RMDN2: variants seen among roughly 807,000 people sequenced by gnomAD.
RMDN2 encodes regulator of microtubule dynamics 2, also known as regulator of microtubule dynamics protein 2.
Under a neutral mutation model 52.8 loss-of-function variants are expected in RMDN2, and 61 were observed. That is an observed-to-expected ratio of 1.16 (90% CI 0.94 to 1.43). The LOEUF is 1.43. Ranked by LOEUF, RMDN2 falls within the 40% of genes most tolerant of loss-of-function variation. The probability of loss-of-function intolerance (pLI) is 0.00; values close to 1 mark genes in which losing one functional copy is unlikely to be tolerated. For missense variants in RMDN2, 592 were observed against 475.3 expected, an observed-to-expected ratio of 1.25 and a Z score of -2.28; for synonymous variants, 180 against 153.1, an observed-to-expected ratio of 1.18 and a Z score of -1.30.
At chr2:37,925,131 G>A (rs1163327243), upstream of RMDN2, among the ~76,000 whole-genome samples, 5 of 152,182 alleles carry the variant, frequency 3.3e-5, no homozygotes, top group African/African-American at 7.2e-5. Context: ...CGAGACACAC[G>A]GTCCGGCGCG....
intron 10 of RMDN2, among the ~76,000 whole-genome samples, chr2:38,054,208 T>G (rs1420275491): frequency 1.3e-5 from 2 of 152,220 alleles, no homozygotes; most frequent in African/African-American, 4.8e-5. Context: ...ATTCCCAAAA[T>G]TACATAATTT....
intron 10 of RMDN2, among the ~76,000 whole-genome samples, chr2:38,051,620 T>C (rs186095200): frequency 6.6e-6 from 1 of 152,220 alleles, no homozygotes; most frequent in Admixed American, 6.5e-5. Context: ...ATACTAGAAC[T>C]TATTTCTTCT....
intron 2 of RMDN2, among the ~76,000 whole-genome samples, chr2:37,939,217 C>T (rs1667573177): frequency 6.6e-6 from 1 of 152,158 alleles, no homozygotes; most frequent in Non-Finnish European, 1.5e-5. Context: ...GAGTGAGTTT[C>T]TTAATCCTGA....
intron 10 of RMDN2, among the ~76,000 whole-genome samples, chr2:38,044,646 G>A (rs185480641): frequency 6.6e-6 from 1 of 151,706 alleles, no homozygotes; most frequent in Non-Finnish European, 1.5e-5. Context: ...TTCAAGGTCA[G>A]TGATTCTTTA....
At chr2:37,989,469 T>C in intron 5 of RMDN2, 72 bp from the exon 6 acceptor site, 2 of 911,258 alleles carry the variant, frequency 2.2e-6, no homozygotes, top group Non-Finnish European at 3.6e-6. Context: ...TCTTTTAATG[T>C]TATGTTTTGG....
At chr2:38,066,937 C>T (rs1682308603) in intron 10 of RMDN2, 3 of 1,609,418 alleles carry the variant, frequency 1.9e-6, no homozygotes, top group Non-Finnish European at 2.6e-6. Context: ...GTTTCAATGC[C>T]ATTTTGTGCA....
chr2:38,018,015 A>G (rs575700353), downstream of RMDN2, among the ~76,000 whole-genome samples: 8 of 152,276 alleles, frequency 5.3e-5, no homozygotes, highest in South Asian at 1.2e-3. Flanking sequence ...TCACGAGATA[A>G]TGTCATCAGT....
At chr2:38,016,038 T>G (rs75796578) in intron 10 of RMDN2, among the ~76,000 whole-genome samples, 21,291 of 152,198 alleles carry the variant, frequency 0.14, 1,705 homozygotes, top group Non-Finnish European at 0.18. Context: ...GCTTGAAACA[T>G]AATGAAAACC....
At chr2:37,920,945 C>A (rs1030932204), upstream of RMDN2, among the ~76,000 whole-genome samples, 12 of 152,324 alleles carry the variant, frequency 7.9e-5, no homozygotes, top group African/African-American at 2.9e-4. Context: ...CGGAAAACCA[C>A]TGAGCAAGGT....
upstream of RMDN2, among the ~76,000 whole-genome samples, chr2:37,924,792 G>T (rs1025632505): frequency 1.3e-5 from 2 of 152,208 alleles, no homozygotes; most frequent in East Asian, 1.9e-4. Flanking sequence ...TCGGAATGGC[G>T]GGGAGAAGGA....
chr2:38,037,537 G>C (rs1297849895), intron 10 of RMDN2, among the ~76,000 whole-genome samples: 2 of 152,236 alleles, frequency 1.3e-5, no homozygotes, highest in African/African-American at 2.4e-5. Flanking sequence ...TCCCAGGAGA[G>C]AGAAACTGTC....
chr2:38,016,573 A>G (rs17412126), intron 10 of RMDN2, among the ~76,000 whole-genome samples: 4,779 of 152,310 alleles, frequency 0.031, 107 homozygotes, highest in Middle Eastern at 0.065. Flanking sequence ...CACCTTAGTC[A>G]TAATGAGACA....
Position 38,050,813 on chromosome 2 carries a change from C to T in RMDN2, c.1714-16169C>T, listed in dbSNP as rs564277564. Among the ~76,000 whole-genome samples the T allele has an allele frequency of 3.3e-5, 5 of 152,298 alleles. No individual in the cohort carries two copies. In the Middle Eastern group the frequency reaches 0.01, roughly 311 times the overall value. On this transcript the variant is annotated intron_variant, in intron 10 of 10. Coordinates refer to the RMDN2 transcript ENST00000234195. The stretch of plus-strand genomic sequence containing the variant: ...TCGCTCTGTCGCACAGGCTGGAGTG[C>T]GGTGGCACGATCTCAGCTCACTGCA...
chr2:37,943,541 A>G (rs1298963885), intron 2 of RMDN2, among the ~76,000 whole-genome samples: 1 of 152,252 alleles, frequency 6.6e-6, no homozygotes, highest in Non-Finnish European at 1.5e-5. Context: ...ATGAGATAAT[A>G]AAGTTGCTTT....
At chr2:37,938,055 A>G (rs886656253) in intron 2 of RMDN2, among the ~76,000 whole-genome samples, 1 of 152,112 alleles carries the variant, frequency 6.6e-6, no homozygotes, top group Non-Finnish European at 1.5e-5. Context: ...TTATTTTCAG[A>G]TATGTTCCAT....
chr2:37,929,345 T>C lies in RMDN2; in HGVS notation c.68T>C (p.Leu23Pro). Residue 23 changes from leucine (L) to proline (P), a missense_variant, in exon 2 of 11, where the codon CTG (leucine) becomes CCG (proline). By Grantham distance (98) the Leu-to-Pro change is moderately conservative. Coordinates refer to ENST00000354545, the MANE Select transcript of RMDN2 (RefSeq NM_001170791.3). ...IMVGTAGISLLLLWYHKVRKP... is the reference protein window; with the variant it reads ...IMVGTAGISLPLLWYHKVRKP... Reference sequence around the variant, plus strand: ...GTGGGCACTGCTGGAATCAGCTTGCTGCTCTTGTGGTACCACAAGGTCCGT... The same window carrying C: ...GTGGGCACTGCTGGAATCAGCTTGCCGCTCTTGTGGTACCACAAGGTCCGT... The C allele has an allele frequency of 6.4e-7, 1 of 1,551,962 alleles. No homozygotes were observed. Among genetic ancestry groups the C allele is most frequent in the Non-Finnish European group, 8.7e-7 (1 of 1,146,938 alleles).
intron 10 of RMDN2, among the ~76,000 whole-genome samples, chr2:38,007,581 T>C (rs1047015875): frequency 6.6e-6 from 1 of 152,224 alleles, no homozygotes; most frequent in African/African-American, 2.4e-5. Context: ...TTGCGTCTAT[T>C]TGATTCTTCT....
intron 4 of RMDN2, among the ~76,000 whole-genome samples, chr2:37,977,271 CTCTT>C (rs1172419273): frequency 1.3e-5 from 2 of 152,238 alleles, no homozygotes; most frequent in East Asian, 1.9e-4. Flanking sequence ...AATCTGATCT[CTCTT>C]TCTTTTCCCC....
intron 10 of RMDN2, among the ~76,000 whole-genome samples, chr2:38,034,939 C>T (rs1029926479): frequency 6.6e-5 from 10 of 151,930 alleles, no homozygotes; most frequent in African/African-American, 1.9e-4. Flanking sequence ...GAAGTAAGGA[C>T]AGGAAAAATG....
Sources: allele counts gnomAD v4.1 joint callset (sites outside exome capture counted in the v4.1 genomes callset), GRCh38; gene constraint gnomAD v4.1.1; transcripts MANE v1.5; gene names NCBI Gene and HGNC (gene_info 2026-07-23, HGNC 2026-07-21).